Variants in RBFOX1 observed in about 807,000 individuals in gnomAD.
RBFOX1 encodes the protein RNA binding protein fox-1 homolog 1.
A neutral mutation model predicts 57.7 loss-of-function variants in RBFOX1; 8 were observed. The observed-to-expected ratio is 0.14, with a 90% CI of 0.08 to 0.25. RBFOX1 has a LOEUF of 0.25. Ranked by LOEUF, RBFOX1 falls within the 10% of genes least tolerant of loss-of-function variation. The pLI, the probability that RBFOX1 is intolerant of heterozygous loss-of-function variation, is 1.00. For missense variants in RBFOX1, 611 were observed against 548.5 expected, an observed-to-expected ratio of 1.11 and a Z score of -1.14; for synonymous variants, 326 against 222.4, an observed-to-expected ratio of 1.47 and a Z score of -4.15.
chr16:7,374,908 C>T (rs1044218208), intron 4 of RBFOX1, among the ~76,000 whole-genome samples: 2 of 152,162 alleles, frequency 1.3e-5, no homozygotes, highest in Non-Finnish European at 1.5e-5. Context: ...CCTGCCAGCA[C>T]TAGTATTTCA....
chr16:5,299,149 A>T (rs1226479836), intron 1 of RBFOX1, among the ~76,000 whole-genome samples: 1 of 151,212 alleles, frequency 6.6e-6, no homozygotes, highest in Non-Finnish European at 1.5e-5. Context: ...TAAATTTGCC[A>T]CTTCTTGGGC....
At chr16:6,397,129 T>TTTTATCTTC (rs1391956827) in intron 2 of RBFOX1, among the ~76,000 whole-genome samples, 1 of 152,152 alleles carries the variant, frequency 6.6e-6, no homozygotes, top group Admixed American at 6.5e-5. Context: ...AGATAATGCA[T>TTTTATCTTC]AAGTAATAGT....
intron 4 of RBFOX1, among the ~76,000 whole-genome samples, chr16:7,375,961 G>C (rs1033047485): frequency 3.3e-5 from 5 of 152,186 alleles, no homozygotes; most frequent in African/African-American, 9.6e-5. Flanking sequence ...TCAAGAACTA[G>C]AGCCATTGGT....
At chr16:7,265,430 T>G (rs887564154) in intron 4 of RBFOX1, among the ~76,000 whole-genome samples, 1 of 152,080 alleles carries the variant, frequency 6.6e-6, no homozygotes, top group Non-Finnish European at 1.5e-5. Flanking sequence ...TTCTTTCCTT[T>G]ATTCATTTAT....
At chr16:7,130,061 C>G (rs1235219043) in intron 4 of RBFOX1, among the ~76,000 whole-genome samples, 8 of 148,166 alleles carry the variant, frequency 5.4e-5, no homozygotes, top group African/African-American at 1.5e-4. Context: ...GAGACAGAGC[C>G]TAGCTCTGTC....
intron 10 of RBFOX1, among the ~76,000 whole-genome samples, chr16:7,610,671 G>T (rs2057311675): frequency 6.6e-6 from 1 of 152,186 alleles, no homozygotes; most frequent in African/African-American, 2.4e-5. Context: ...GAAATGTGGG[G>T]ACATGTAGCT....
rs570505271 is a variant in RBFOX1, at chr16:6,545,134, T to C, written c.-63-109469T>C. Reference sequence around the variant, plus strand: ...TGATATCTAAAAATCCGCGTACTTTTTCCCTAGCGCCATTTTTGCCACTTT... The same window carrying C: ...TGATATCTAAAAATCCGCGTACTTTCTCCCTAGCGCCATTTTTGCCACTTT... On this transcript the variant is annotated intron_variant, in intron 2 of 15. Coordinates refer to ENST00000550418, the MANE Select transcript of RBFOX1 (RefSeq NM_018723.4). Among the ~76,000 whole-genome samples the C allele has an allele frequency of 3.9e-4, 60 of 152,316 alleles. 2 individuals are homozygous for C. The South Asian group carries it at 0.012, about 31-fold the overall frequency.
intron 4 of RBFOX1, among the ~76,000 whole-genome samples, chr16:7,485,181 T>A (rs2065068683): frequency 6.6e-6 from 1 of 152,118 alleles, no homozygotes; most frequent in South Asian, 2.1e-4. Context: ...GGGACAGGTG[T>A]GTTCACTGAC....
intron 4 of RBFOX1, among the ~76,000 whole-genome samples, chr16:7,344,552 G>C (rs938900609): frequency 6.6e-6 from 1 of 150,970 alleles, no homozygotes; most frequent in African/African-American, 2.4e-5. Flanking sequence ...CTGTATAATA[G>C]TTACATAGTA....
At chr16:6,070,832 A>G (rs74864765) in intron 1 of RBFOX1, among the ~76,000 whole-genome samples, 1 of 149,810 alleles carries the variant, frequency 6.7e-6, no homozygotes. Context: ...CCCCACACAC[A>G]CATTTGCACT....
intron 1 of RBFOX1, among the ~76,000 whole-genome samples, chr16:6,198,913 C>A (rs970265529): frequency 3.3e-5 from 5 of 151,856 alleles, no homozygotes; most frequent in African/African-American, 4.8e-5. Flanking sequence ...TCCCTATCAT[C>A]CGCTTCTTTT....
chr16:5,240,097 G>A (rs1316028103), exon 1 of RBFOX1: 9 of 1,526,620 alleles, frequency 5.9e-6, no homozygotes, highest in Middle Eastern at 4.6e-4. Context: ...AGGTGGCGAC[G>A]GCAGAGGAGT....
chr16:6,246,022 G>A (rs2097567354), intron 1 of RBFOX1, among the ~76,000 whole-genome samples: 1 of 152,066 alleles, frequency 6.6e-6, no homozygotes, highest in South Asian at 2.1e-4. Context: ...AGCTTTCTTA[G>A]AGGTCCTGTA....
At chr16:6,162,537 G>A (rs1319670471) in intron 1 of RBFOX1, among the ~76,000 whole-genome samples, 6 of 152,180 alleles carry the variant, frequency 3.9e-5, no homozygotes, top group African/African-American at 1.4e-4. Flanking sequence ...CAGGGCCAGT[G>A]AAACATAGAT....
intron 3 of RBFOX1, among the ~76,000 whole-genome samples, chr16:6,966,030 C>T (rs74008502): frequency 0.022 from 3,328 of 152,134 alleles, 121 homozygotes; most frequent in African/African-American, 0.076. Context: ...ATCGGAGATA[C>T]GTTTTCTTAT....
chr16:6,440,966 G>C (rs527856457), intron 2 of RBFOX1, among the ~76,000 whole-genome samples: 2 of 152,152 alleles, frequency 1.3e-5, no homozygotes, highest in African/African-American at 2.4e-5. Flanking sequence ...TCTAGGCTGC[G>C]TCTGTGGAGT....
intron 4 of RBFOX1, among the ~76,000 whole-genome samples, chr16:7,224,054 A>T (rs1343138198): frequency 6.8e-6 from 1 of 146,418 alleles, no homozygotes; most frequent in Admixed American, 7.1e-5. Context: ...TTTGGGATGC[A>T]TCAGAGGTTG....
rs574572868 is a variant in RBFOX1 at position 6,765,954 on chromosome 16, G to C, written c.-16+111304G>C. Reference sequence around the variant, plus strand: ...ATGAGGATGCAAAGGTATACAGTATGATGGACATTGGAGACTCAGAAGATG... The same window carrying C: ...ATGAGGATGCAAAGGTATACAGTATCATGGACATTGGAGACTCAGAAGATG... On this transcript the variant is annotated intron_variant, in intron 3 of 15. Transcript: ENST00000550418. Among the ~76,000 whole-genome samples the C allele has an allele frequency of 2.6e-5, 4 of 152,232 alleles. No individual in the cohort carries two copies. The East Asian group carries it at 7.7e-4, about 29-fold the overall frequency.
chr16:7,282,011 G>A (rs1307453574), intron 4 of RBFOX1, among the ~76,000 whole-genome samples: 1 of 151,724 alleles, frequency 6.6e-6, no homozygotes, highest in Non-Finnish European at 1.5e-5. Flanking sequence ...GACCACAGGC[G>A]CGTGCCATCA....
Sources: allele counts gnomAD v4.1 joint callset (sites outside exome capture counted in the v4.1 genomes callset), GRCh38; gene constraint gnomAD v4.1.1; transcripts MANE v1.5; gene names NCBI Gene and HGNC (gene_info 2026-07-23, HGNC 2026-07-21).